The following MPDZ variants were observed in gnomAD, a reference collection of about 807,000 sequenced individuals.
MPDZ encodes the protein multiple PDZ domain crumbs cell polarity complex component.
In MPDZ, 234 loss-of-function variants were observed where a neutral mutation model predicts 239.1. That is an observed-to-expected ratio of 0.98 (90% CI 0.88 to 1.09). MPDZ has a LOEUF of 1.09. Among genes scored for constraint, MPDZ ranks in the 50% least tolerant of loss-of-function variants. The probability of loss-of-function intolerance (pLI) is 0.00; values close to 1 mark genes in which losing one functional copy is unlikely to be tolerated. For synonymous variants in MPDZ, 1,048 were observed against 881.3 expected, an observed-to-expected ratio of 1.19 and a Z score of -3.35; for missense variants, 3,175 against 2,510.0, an observed-to-expected ratio of 1.26 and a Z score of -5.66.
chr9:13,137,070 GGA>G (rs1346171791), intron 29 of MPDZ, among the ~76,000 whole-genome samples: 1 of 152,098 alleles, frequency 6.6e-6, no homozygotes, highest in Non-Finnish European at 1.5e-5. Context: ...ACCAACTGCA[GGA>G]GAGTAGACAA....
rs116127970 is a variant in MPDZ, at chr9:13,230,794, T to G, written c.184-6211A>C. ...GAGGGAGGAATTTAAAACAAATTTT[T>G]AACTGAATGATAATGAAGATACGAC... is the stretch of plus-strand genomic sequence containing the variant. On this transcript the variant is annotated intron_variant, in intron 3 of 46. Transcript: ENST00000319217. Among the ~76,000 whole-genome samples, 1,179 of 152,168 alleles carry G rather than the reference T, an allele frequency of 7.7e-3. 20 individuals are homozygous for G. The highest frequency in any genetic ancestry group is 0.026 in the African/African-American group (1,084 of 41,528).
At chr9:13,202,173 G>T (rs1483063896) in intron 12 of MPDZ, among the ~76,000 whole-genome samples, 1 of 152,126 alleles carries the variant, frequency 6.6e-6, no homozygotes, top group Non-Finnish European at 1.5e-5. Context: ...CCATTCTGGG[G>T]AGGATTTACA....
intron 3 of MPDZ, among the ~76,000 whole-genome samples, chr9:13,229,352 G>C (rs1489009361): frequency 6.6e-6 from 1 of 151,920 alleles, no homozygotes; most frequent in Non-Finnish European, 1.5e-5. Context: ...CCATCTTAGA[G>C]GCTGACTAGA....
At chr9:13,162,507 A>G (rs1018526056) in intron 23 of MPDZ, among the ~76,000 whole-genome samples, 184 bp downstream of exon 23, 9 of 151,920 alleles carry the variant, frequency 5.9e-5, no homozygotes, top group Non-Finnish European at 1.2e-4. Flanking sequence ...TATATTTCTC[A>G]AATTTTCCAT....
intron 19 of MPDZ, among the ~76,000 whole-genome samples, chr9:13,182,822 C>A (rs1177807263): frequency 6.6e-6 from 1 of 151,950 alleles, no homozygotes; most frequent in Admixed American, 6.6e-5. Context: ...GGCATTTATG[C>A]CAATAATCTA....
At chr9:13,114,116 G>C (rs1465612397) in intron 40 of MPDZ, 95 bp from the exon 41 acceptor site, 34 of 939,716 alleles carry the variant, frequency 3.6e-5, no homozygotes. Flanking sequence ...ACAGATACCT[G>C]TTAAGCAACA....
At chr9:13,199,988 T>A (rs1008133141) in intron 12 of MPDZ, among the ~76,000 whole-genome samples, 8 of 152,050 alleles carry the variant, frequency 5.3e-5, no homozygotes, top group Non-Finnish European at 1.2e-4. Flanking sequence ...TTGTGAGTAT[T>A]CCCTCCTCTT....
At chr9:13,119,304 C>T (rs928450654) in intron 39 of MPDZ, among the ~76,000 whole-genome samples, 198 bp downstream of exon 39, 4 of 152,072 alleles carry the variant, frequency 2.6e-5, no homozygotes, top group Admixed American at 6.5e-5. Flanking sequence ...AGGCTGGTCT[C>T]GAACCCCTAG....
chr9:13,179,229 G>C (rs1007876283), intron 19 of MPDZ, among the ~76,000 whole-genome samples: 3 of 152,042 alleles, frequency 2.0e-5, no homozygotes, highest in Admixed American at 2.0e-4. Context: ...TAACCTGTTG[G>C]CTCCCTCACC....
rs1950621675 is a variant in MPDZ, at chr9:13,162,728, C to T, written c.3322G>A (p.Val1108Ile). 6.2e-7 allele frequency: 1 copy of T among 1,611,456 alleles called. No homozygotes were observed. Among genetic ancestry groups the T allele is most frequent in the Admixed American group, 1.7e-5 (1 of 59,878 alleles). Residue 1108 changes from valine to isoleucine, a missense_variant, in exon 23 of 47, where the codon GTA becomes ATA. Coordinates refer to ENST00000319217, the MANE Select transcript of MPDZ (RefSeq NM_001378778.1). ...KISLGQQSGR[V>I]MALDIFSSYT... is the part of the protein sequence containing the mutation. ...GAAGAAAAAATATCCAGTGCCATTA[C>T]TCTTCCAGATTGTTGTCCCAAGCTT...
chr9:13,163,495 CTG>C (rs1042024071), intron 22 of MPDZ, among the ~76,000 whole-genome samples: 2 of 152,194 alleles, frequency 1.3e-5, no homozygotes, highest in Non-Finnish European at 2.9e-5. Context: ...GCGGAAGACA[CTG>C]TGCCAGATGC....
rs371763273 is a variant in MPDZ at position 13,119,520 on chromosome 9, C to G, written c.5361G>C (p.Ala1787=). ...TTTTTACCTTTAGCAAAGCGGCAACCGCTTCTTGGGTGGCATTACGAACGT... is the reference window on the plus strand; with the variant it reads ...TTTTTACCTTTAGCAAAGCGGCAACGGCTTCTTGGGTGGCATTACGAACGT... The part of the protein sequence containing the change: ...GEDVRNATQE[A]VAALLKCSLG... The change falls in exon 39 of 47, where the codon GCG becomes GCC. Residue 1787 remains alanine, a synonymous_variant. Coordinates refer to ENST00000319217, the MANE Select transcript of MPDZ (RefSeq NM_001378778.1). 44 of 1,610,854 alleles carry G rather than the reference C, an allele frequency of 2.7e-5. No homozygotes were observed. Among genetic ancestry groups the G allele is most frequent in the Non-Finnish European group, 3.3e-5 (39 of 1,178,800 alleles).
At chr9:13,232,814 C>G (rs1962884184) in intron 3 of MPDZ, among the ~76,000 whole-genome samples, 1 of 146,600 alleles carries the variant, frequency 6.8e-6, no homozygotes, top group African/African-American at 2.5e-5. Flanking sequence ...ATATAAAGAA[C>G]TCTTGTAAAT....
At chr9:13,233,853 T>C (rs536091053) in intron 3 of MPDZ, among the ~76,000 whole-genome samples, 1 of 152,150 alleles carries the variant, frequency 6.6e-6, no homozygotes. Flanking sequence ...GCACAGGAAC[T>C]AAATAACTGA....
intron 1 of MPDZ, among the ~76,000 whole-genome samples, chr9:13,254,810 C>G (rs1317489088): frequency 6.6e-6 from 1 of 152,224 alleles, no homozygotes; most frequent in African/African-American, 2.4e-5. Context: ...TAGTGATCAT[C>G]TGAGCCTTTG....
intron 10 of MPDZ, among the ~76,000 whole-genome samples, chr9:13,214,735 C>A (rs769349453): frequency 5.9e-5 from 9 of 151,942 alleles, no homozygotes; most frequent in African/African-American, 2.2e-4. Flanking sequence ...CACTTTCCCT[C>A]AAAACAAAAA....
intron 15 of MPDZ, 51 bp downstream of exon 15, chr9:13,192,051 GAAAAATGCTTAAAAAATTTTAAGCCATTT>G: frequency 1.6e-6 from 2 of 1,251,604 alleles, no homozygotes; most frequent in Non-Finnish European, 2.1e-6. Context: ...ATACCAAATT[GAAAAATGCTTAAAAAATTTTAAGCCATTT>G]AGCCTTTCCA....
intron 42 of MPDZ, among the ~76,000 whole-genome samples, chr9:13,112,661 T>C (rs1942690368): frequency 6.6e-6 from 1 of 152,234 alleles, no homozygotes; most frequent in Non-Finnish European, 1.5e-5. Flanking sequence ...CAGCTGCTTT[T>C]ACTTTGTCTC....
At chr9:13,119,971 G>C (rs1366389771) in intron 38 of MPDZ, 2 of 304,748 alleles carry the variant, frequency 6.6e-6, no homozygotes, top group African/African-American at 2.2e-5. Context: ...TAAGACTTAA[G>C]AGTCAGTCCT....
Sources: allele counts gnomAD v4.1 joint callset (sites outside exome capture counted in the v4.1 genomes callset), GRCh38; gene constraint gnomAD v4.1.1; transcripts MANE v1.5; gene names NCBI Gene and HGNC (gene_info 2026-07-23, HGNC 2026-07-21).